MAST4: variants seen among roughly 807,000 people sequenced by gnomAD.
MAST4 encodes the protein microtubule associated serine/threonine kinase family member 4, also known as microtubule-associated serine/threonine-protein kinase 4.
In MAST4, 89 loss-of-function variants were observed where a neutral mutation model predicts 162.7. The ratio of observed to expected loss-of-function variants is 0.55; its 90% confidence interval spans 0.46 to 0.65. The LOEUF is 0.65. Ranked by LOEUF, MAST4 falls within the 30% of genes least tolerant of loss-of-function variation. MAST4 has a pLI of 0.00. For missense variants in MAST4, 3,153 were observed against 3,374.0 expected, an observed-to-expected ratio of 0.93 and a Z score of 1.62; for synonymous variants, 1,479 against 1,361.1, an observed-to-expected ratio of 1.09 and a Z score of -1.91.
intron 4 of MAST4, among the ~76,000 whole-genome samples, chr5:66,986,880 A>G (rs1749570644): frequency 6.6e-6 from 1 of 152,076 alleles, no homozygotes; most frequent in Non-Finnish European, 1.5e-5. Flanking sequence ...CTGAGAAGCC[A>G]GGATTATAGG....
At chr5:66,880,852 T>C (rs1362535991) in intron 3 of MAST4, among the ~76,000 whole-genome samples, 2 of 152,230 alleles carry the variant, frequency 1.3e-5, no homozygotes, top group Non-Finnish European at 2.9e-5. Flanking sequence ...ATGTAATATA[T>C]ACTGACATTC....
At position 67,166,543 on chromosome 5, in the gene MAST4, C is replaced by T. The variant is rs1358769287; in HGVS notation, c.7364C>T (p.Pro2455Leu). The T allele has an allele frequency of 6.2e-7, 1 of 1,607,436 alleles. No individual in the cohort carries two copies. Among genetic ancestry groups the T allele is most frequent in the Admixed American group, 1.7e-5 (1 of 59,270 alleles). ...AGTTCTTTCCGATCCACGGCCCTCCCGGAAAAGTCTCTGAGCTGCTCCTCC... is the reference window on the plus strand; with the variant it reads ...AGTTCTTTCCGATCCACGGCCCTCCTGGAAAAGTCTCTGAGCTGCTCCTCC... ...GQSSFRSTAL[P>L]EKSLSCSSSF... The change falls in exon 29 of 29, where the codon CCG becomes CTG. Residue 2455 changes from proline to leucine, a missense_variant. Around this residue, in one of 7 missense-constraint regions of MAST4, gnomAD observed 1,644 missense variants for 1,495.0 expected, o/e 1.10. Coordinates refer to ENST00000403625, the MANE Select transcript of MAST4 (RefSeq NM_001164664.2).
intron 4 of MAST4, among the ~76,000 whole-genome samples, chr5:66,918,974 G>A (rs1275510455): frequency 2.0e-5 from 3 of 151,360 alleles, no homozygotes; most frequent in Admixed American, 6.6e-5. Context: ...ATGGTGGCAC[G>A]TGCCTGTAAT....
At chr5:66,788,909 A>T in intron 3 of MAST4, 115 bp downstream of exon 3, 1 of 1,283,706 alleles carries the variant, frequency 7.8e-7, no homozygotes, top group Non-Finnish European at 1.0e-6. Context: ...CGTTAAGCAC[A>T]TATTTGGCAA....
chr5:66,826,747 G>A (rs1757280021), intron 3 of MAST4, among the ~76,000 whole-genome samples: 1 of 152,114 alleles, frequency 6.6e-6, no homozygotes. Context: ...CTTGGCTTTT[G>A]CTTTTAAAAA....
At chr5:66,712,976 T>G (rs546940867) in intron 1 of MAST4, among the ~76,000 whole-genome samples, 1 of 152,320 alleles carries the variant, frequency 6.6e-6, no homozygotes, top group South Asian at 2.1e-4. Context: ...ACAGTGTCAG[T>G]GGGATTCATC....
At chr5:66,867,152 A>T (rs1190303601) in intron 3 of MAST4, among the ~76,000 whole-genome samples, 1 of 152,226 alleles carries the variant, frequency 6.6e-6, no homozygotes, top group African/African-American at 2.4e-5. Context: ...TTTCTAGGCT[A>T]GAAATGCCTA....
intron 3 of MAST4, among the ~76,000 whole-genome samples, chr5:66,893,762 C>T (rs1443940363): frequency 6.6e-6 from 1 of 152,156 alleles, no homozygotes; most frequent in East Asian, 1.9e-4. Context: ...TGACTACTGT[C>T]TTCATTTAGG....
intron 3 of MAST4, among the ~76,000 whole-genome samples, chr5:66,866,789 C>G (rs1462515542): frequency 3.3e-5 from 5 of 152,234 alleles, no homozygotes; most frequent in Admixed American, 6.5e-5. Flanking sequence ...CTCGCCCCAT[C>G]ATCCAGGCTG....
intron 4 of MAST4, among the ~76,000 whole-genome samples, chr5:66,955,337 G>A (rs989494396): frequency 1.3e-5 from 2 of 152,106 alleles, no homozygotes; most frequent in African/African-American, 4.8e-5. Context: ...GTTCTAGGCA[G>A]TGGGAACTGT....
At chr5:66,658,858 C>CA (rs1460688637) in intron 1 of MAST4, among the ~76,000 whole-genome samples, 1 of 151,930 alleles carries the variant, frequency 6.6e-6, no homozygotes, top group Non-Finnish European at 1.5e-5. Flanking sequence ...CTAGTCTCTA[C>CA]AAAAAATTAA....
At chr5:66,849,484 C>T (rs1338190590) in intron 3 of MAST4, among the ~76,000 whole-genome samples, 1 of 152,066 alleles carries the variant, frequency 6.6e-6, no homozygotes, top group Non-Finnish European at 1.5e-5. Flanking sequence ...TTTCTCTTCT[C>T]CTGTCCTTTT....
intron 4 of MAST4, among the ~76,000 whole-genome samples, chr5:66,916,315 C>A (rs1346337537): frequency 1.3e-5 from 2 of 152,060 alleles, no homozygotes; most frequent in Non-Finnish European, 2.9e-5. Flanking sequence ...ATGGCTGATA[C>A]ACAGGGGGGA....
chr5:67,163,511 G>A lies in MAST4; in HGVS notation c.4332G>A (p.Val1444=). The change falls in exon 29 of 29, where the codon GTG becomes GTA. Residue 1444 remains valine, a synonymous_variant. Coordinates refer to ENST00000403625, the MANE Select transcript of MAST4 (RefSeq NM_001164664.2). This position sits in a 1 kb window ranked among gnomAD's most constrained non-coding sequence, Gnocchi z 7.0. ...CCAGGTCCCCGCTGCTCAAGCGCGT[G>A]CAGTCCGAGGAGAAGCTGTCGCCCT... ...EPPRSPLLKR[V]QSEEKLSPSY... is the part of the protein sequence containing the mutation. 6.2e-7 allele frequency: 1 copy of A among 1,611,018 alleles called. No individual in the cohort carries two copies. Among genetic ancestry groups the A allele is most frequent in the East Asian group, 2.2e-5 (1 of 44,744 alleles).
intron 3 of MAST4, among the ~76,000 whole-genome samples, chr5:66,871,602 CA>C (rs1178832391): frequency 6.6e-6 from 1 of 152,216 alleles, no homozygotes; most frequent in African/African-American, 2.4e-5. Context: ...TTTAATTGAA[CA>C]GTTATTAGCA....
intron 15 of MAST4, among the ~76,000 whole-genome samples, 199 bp downstream of exon 15, chr5:67,130,617 T>C (rs1261828107): frequency 6.6e-6 from 1 of 152,062 alleles, no homozygotes; most frequent in Non-Finnish European, 1.5e-5. Context: ...AAAGAGAAAA[T>C]TAGCGCTATC....
intron 4 of MAST4, among the ~76,000 whole-genome samples, chr5:66,962,113 C>A (rs1746083551): frequency 6.6e-6 from 1 of 152,088 alleles, no homozygotes. Context: ...CATAGTAAGC[C>A]CAAATCTGAT....
intron 1 of MAST4, among the ~76,000 whole-genome samples, chr5:66,744,882 T>A (rs190037452): frequency 6.6e-6 from 1 of 152,236 alleles, no homozygotes; most frequent in East Asian, 1.9e-4. Context: ...TTAAAGCTTT[T>A]TCCAGAAACT....
At chr5:66,781,893 CTAT>C (rs1488497320) in intron 2 of MAST4, among the ~76,000 whole-genome samples, 1 of 152,142 alleles carries the variant, frequency 6.6e-6, no homozygotes, top group African/African-American at 2.4e-5. Context: ...TCTCCAGAGG[CTAT>C]TATTTAATTC....
Sources: gnomAD v4.1 joint callset for allele counts (sites outside exome capture counted in the v4.1 genomes callset) on GRCh38, gnomAD v4.1.1 for gene constraint, gnomAD v4.1.1 regional missense constraint, Gnocchi (gnomAD v3.1) non-coding constraint, MANE v1.5 for transcripts, NCBI Gene and HGNC (gene_info 2026-07-23, HGNC 2026-07-21) for gene names.